The following RBL1 variants were observed in gnomAD, a reference collection of about 807,000 sequenced individuals.
RBL1 encodes retinoblastoma-like protein 1.
Under a neutral mutation model 123.0 loss-of-function variants are expected in RBL1, and 82 were observed. That is an observed-to-expected ratio of 0.67 (90% CI 0.56 to 0.80). RBL1 has a LOEUF of 0.80. RBL1 is among the 30% of genes least tolerant of loss of function. The probability of loss-of-function intolerance (pLI) is 0.00; values close to 1 mark genes in which losing one functional copy is unlikely to be tolerated. For synonymous variants in RBL1, 405 were observed against 441.3 expected (o/e 0.92, Z 1.03); for missense variants, 1,171 against 1,299.6 (o/e 0.90, Z 1.52).
intron 18 of RBL1, among the ~76,000 whole-genome samples, chr20:37,020,396 A>G (rs953414562): frequency 2.6e-5 from 4 of 152,100 alleles, no homozygotes; most frequent in African/African-American, 4.8e-5. Flanking sequence ...GCCATTATAC[A>G]TATCTTTCAT....
At chr20:37,034,781 T>C (rs1016619506) in intron 15 of RBL1, among the ~76,000 whole-genome samples, 11 of 151,808 alleles carry the variant, frequency 7.2e-5, no homozygotes, top group Admixed American at 5.2e-4. Context: ...AAAACCACTA[T>C]AGGTTCAAAA....
intron 11 of RBL1, among the ~76,000 whole-genome samples, chr20:37,050,958 C>A (rs556230209): frequency 2.4e-4 from 36 of 151,876 alleles, no homozygotes; most frequent in African/African-American, 8.7e-4. Context: ...TGCAACAGTA[C>A]CTTCAAACTC....
chr20:37,052,777 T>G (rs2064939773), intron 11 of RBL1, among the ~76,000 whole-genome samples: 1 of 152,156 alleles, frequency 6.6e-6, no homozygotes. Context: ...CCTAAAGTGC[T>G]AGGATTAGAG....
chr20:37,071,191 G>C (rs763739910), intron 2 of RBL1, among the ~76,000 whole-genome samples: 2 of 152,016 alleles, frequency 1.3e-5, no homozygotes, highest in African/African-American at 4.8e-5. Context: ...CACTGCACTC[G>C]GCCCTATGTT....
intron 2 of RBL1, among the ~76,000 whole-genome samples, chr20:37,068,569 C>G (rs1195993232): frequency 6.6e-6 from 1 of 152,006 alleles, no homozygotes; most frequent in African/African-American, 2.4e-5. Context: ...ACTTTCGTTC[C>G]CAGGATCACC....
At chr20:37,067,205 T>G in intron 4 of RBL1, 28 bp downstream of exon 4, 1 of 1,582,462 alleles carries the variant, frequency 6.3e-7, no homozygotes, top group Admixed American at 1.9e-5. Flanking sequence ...AGAGTAGAAA[T>G]GTAAGACCAC....
At chr20:37,067,766 C>CAAAAAAAAAAAAAAAAAAAA (rs1168742059) in intron 3 of RBL1, among the ~76,000 whole-genome samples, 1 of 62,684 alleles carries the variant, frequency 1.6e-5, no homozygotes, top group African/African-American at 5.3e-5. Context: ...TGAGACTCCT[C>CAAAAAAAAAAAAAAAAAAAA]AAAAAAAAAA....
chr20:37,086,573 G>C (rs1304552142), intron 2 of RBL1, among the ~76,000 whole-genome samples: 1 of 152,032 alleles, frequency 6.6e-6, no homozygotes, highest in Non-Finnish European at 1.5e-5. Context: ...TTTAAATTTA[G>C]CATCAACTAA....
chr20:37,062,645 C>CAA (rs60370479), intron 7 of RBL1, among the ~76,000 whole-genome samples: 16,772 of 39,986 alleles, frequency 0.42, 4,074 homozygotes, highest in East Asian at 0.5. Flanking sequence ...GACTCTGTCT[C>CAA]AAAAAAAAAA....
chr20:37,026,516 C>T (rs2146237213), intron 16 of RBL1, among the ~76,000 whole-genome samples: 1 of 151,582 alleles, frequency 6.6e-6, no homozygotes, highest in Admixed American at 6.6e-5. Flanking sequence ...TCAGCCTGGC[C>T]AAGATGATGA....
At chr20:37,085,757 C>G (rs548241324) in intron 2 of RBL1, among the ~76,000 whole-genome samples, 6 of 149,736 alleles carry the variant, frequency 4.0e-5, no homozygotes, top group Admixed American at 4.0e-4. Context: ...GGGTTCACGC[C>G]ATACTCCCAC....
rs770288483 is a variant in RBL1 at position 37,062,155 on chromosome 20, G to A, written c.1012C>T (p.Arg338Cys). ...GTCAGTTTCCCTAATGGGGTGTCAC[G>A]AGTGAACTTTCGAGGTGTTCCAATT... The part of the protein sequence containing the change: ...EEIGTPRKFT[R>C]DTPLGKLTAQ... Residue 338 changes from arginine to cysteine, a missense_variant, in exon 8 of 22, where the codon CGT becomes TGT. Coordinates refer to ENST00000373664, the MANE Select transcript of RBL1 (RefSeq NM_002895.5). 21 of 1,614,040 alleles carry A rather than the reference G, an allele frequency of 1.3e-5. No individual in the cohort carries two copies. The Admixed American group carries it at 1.5e-4, about 12-fold the overall frequency.
Position 37,068,564 on chromosome 20 carries a change from C to T in RBL1, c.291-378G>A, listed in dbSNP as rs542602073. Among the ~76,000 whole-genome samples the T allele has an allele frequency of 1.6e-4, 25 of 152,108 alleles. 1 individual carries two copies. The South Asian group carries it at 4.2e-3, about 25-fold the overall frequency. Reference sequence around the variant, plus strand: ...AAAGTCCTCACTATGAAATCACTTTCGTTCCCAGGATCACCAGGGGAATAC... The same window carrying T: ...AAAGTCCTCACTATGAAATCACTTTTGTTCCCAGGATCACCAGGGGAATAC... On this transcript the variant is annotated intron_variant, in intron 2 of 21. Coordinates refer to ENST00000373664, the MANE Select transcript of RBL1 (RefSeq NM_002895.5).
intron 21 of RBL1, among the ~76,000 whole-genome samples, chr20:37,001,867 A>G (rs2063986470): frequency 6.7e-6 from 1 of 148,382 alleles, no homozygotes; most frequent in Non-Finnish European, 1.5e-5. Context: ...TAAATCTGTG[A>G]AAAGATGTCC....
intron 21 of RBL1, among the ~76,000 whole-genome samples, chr20:37,003,149 A>C (rs2064014813): frequency 6.6e-6 from 1 of 152,174 alleles, no homozygotes; most frequent in African/African-American, 2.4e-5. Context: ...GCCCCACTAC[A>C]ATTTCTTCCA....
chr20:37,051,395 G>C (rs775705585), intron 11 of RBL1, among the ~76,000 whole-genome samples: 1 of 152,228 alleles, frequency 6.6e-6, no homozygotes, highest in African/African-American at 2.4e-5. Flanking sequence ...TGGTCAGGCT[G>C]GTCTAGAACT....
rs751661963 is a variant in RBL1 at position 37,044,146 on chromosome 20, G to A, written c.1710C>T (p.His570=). ...GGAGAGCCTCCCACAGTGCAGAATC[G>A]TGACTCCATGCTAAACTCTCCAAAA... ...EQILESLAWS[H]DSALWEALQV... Residue 570 remains histidine, a synonymous_variant, in exon 13 of 22, where the codon CAC becomes CAT. Transcript: ENST00000373664. The A allele has an allele frequency of 6.8e-6, 11 of 1,612,428 alleles. No individual in the cohort carries two copies. The Admixed American group carries it at 1.0e-4, about 15-fold the overall frequency.
chr20:36,997,401 C>G lies in RBL1; in HGVS notation c.*1358G>C, dbSNP rs923370170. ...GTACTAAAAAACATCTTCAGGAGTACCCAGTGGTCAAACACTAGCAGGAAA... is the reference window on the plus strand; with the variant it reads ...GTACTAAAAAACATCTTCAGGAGTAGCCAGTGGTCAAACACTAGCAGGAAA... On this transcript the variant is annotated 3_prime_UTR_variant, in exon 22 of 22. Coordinates refer to ENST00000373664, the MANE Select transcript of RBL1 (RefSeq NM_002895.5). 1 of 152,076 alleles carries G rather than the reference C, an allele frequency of 6.6e-6. No individual in the cohort carries two copies. Among genetic ancestry groups the G allele is most frequent in the Non-Finnish European group, 1.5e-5 (1 of 68,006 alleles). 9.4% of individuals were successfully genotyped at this position (152,076 alleles called of 1,614,324 possible). A position where few individuals can be genotyped will look rare whatever the true frequency, so the allele number is the denominator to read the frequency against.
At chr20:37,001,780 A>AG (rs2063984919) in intron 21 of RBL1, among the ~76,000 whole-genome samples, 1 of 151,540 alleles carries the variant, frequency 6.6e-6, no homozygotes, top group Admixed American at 6.6e-5. Flanking sequence ...GGAAAAAAAA[A>AG]AAAAAAGAAA....
Sources: gnomAD v4.1 joint callset for allele counts (sites outside exome capture counted in the v4.1 genomes callset) on GRCh38, gnomAD v4.1.1 for gene constraint, MANE v1.5 for transcripts, NCBI Gene and HGNC (gene_info 2026-07-23, HGNC 2026-07-21) for gene names.